The following NFYB variants were observed in gnomAD, a reference collection of about 807,000 sequenced individuals.
The protein encoded by NFYB is CAAT box DNA-binding protein subunit B.
A neutral mutation model predicts 28.0 loss-of-function variants in NFYB; 13 were observed. The observed-to-expected ratio is 0.46, with a 90% CI of 0.30 to 0.74. The LOEUF is 0.74. NFYB is among the 30% of genes least tolerant of loss of function. The probability of loss-of-function intolerance (pLI) is 0.07; values close to 1 mark genes in which losing one functional copy is unlikely to be tolerated. For missense variants in NFYB, 142 were observed against 247.6 expected (o/e 0.57, Z 2.86); for synonymous variants, 74 against 75.0 (o/e 0.99, Z 0.07).
chr12:104,117,800 G>T lies in NFYB; in HGVS notation c.*1937C>A, dbSNP rs2030318161. 6.6e-6 allele frequency: 1 copy of T among 152,114 alleles called. No homozygotes were observed. Among genetic ancestry groups the T allele is most frequent in the Admixed American group, 6.6e-5 (1 of 15,264 alleles). The allele number at this position is 152,114 out of a possible 1,614,324, so 9.4% of individuals were successfully genotyped here. ...ACAGTATCTGATAATCAAAGACCAA[G>T]TGCTTTTATCAGTTATATAGTGACA... On this transcript the variant is annotated 3_prime_UTR_variant, in exon 8 of 8. Coordinates refer to ENST00000240055, the MANE Select transcript of NFYB (RefSeq NM_006166.4).
intron 2 of NFYB, among the ~76,000 whole-genome samples, chr12:104,130,742 G>T (rs2030892094): frequency 6.6e-6 from 1 of 152,250 alleles, no homozygotes; most frequent in South Asian, 2.1e-4. Context: ...TAACATACTA[G>T]GAGAGTATCC....
At chr12:104,135,627 G>A (rs1410032767) in intron 1 of NFYB, 95 bp from the exon 2 acceptor site, 3 of 472,454 alleles carry the variant, frequency 6.3e-6, no homozygotes, top group African/African-American at 4.0e-5. Flanking sequence ...TAAAATTAAA[G>A]AGGGCTTGTA....
chr12:104,135,323 T>C (rs1015263178), intron 2 of NFYB, 125 bp downstream of exon 2: 25 of 732,152 alleles, frequency 3.4e-5, no homozygotes, highest in Non-Finnish European at 5.0e-5. Flanking sequence ...GCAGAGGTAC[T>C]GTCTGTCTAG....
At chr12:104,136,365 C>T (rs1188488101) in intron 1 of NFYB, among the ~76,000 whole-genome samples, 1 of 152,086 alleles carries the variant, frequency 6.6e-6, no homozygotes, top group Non-Finnish European at 1.5e-5. Flanking sequence ...TGATACGCAT[C>T]CAAGCATGAA....
At chr12:104,120,916 A>C (rs2030449187) in intron 6 of NFYB, among the ~76,000 whole-genome samples, 1 of 152,212 alleles carries the variant, frequency 6.6e-6, no homozygotes, top group Non-Finnish European at 1.5e-5. Context: ...AATTTAAAAA[A>C]AACTGAGTTG....
intron 1 of NFYB, among the ~76,000 whole-genome samples, chr12:104,137,174 G>A (rs1434165111): frequency 6.6e-6 from 1 of 152,154 alleles, no homozygotes. Flanking sequence ...GGGTTAGTGG[G>A]ATGCCATTTT....
intron 1 of NFYB, 129 bp downstream of exon 1, chr12:104,138,012 G>A (rs977387630): frequency 1.2e-4 from 17 of 146,544 alleles, no homozygotes; most frequent in Admixed American, 1.1e-3. Context: ...GCGCGGGAGG[G>A]CGGGAGGCTA....
intron 2 of NFYB, among the ~76,000 whole-genome samples, chr12:104,132,744 C>G (rs538451946): frequency 4.4e-4 from 67 of 152,306 alleles, no homozygotes; most frequent in African/African-American, 1.5e-3. Context: ...GTAAGCCTAG[C>G]TGAAGCTAAT....
At chr12:104,123,182 A>AAC (rs1406735908) in intron 5 of NFYB, 44 bp downstream of exon 5, 2 of 1,502,540 alleles carry the variant, frequency 1.3e-6, no homozygotes, top group Non-Finnish European at 1.8e-6. Context: ...CCTCAAAAAA[A>AAC]AAAAGAAGAA....
intron 2 of NFYB, among the ~76,000 whole-genome samples, chr12:104,132,561 G>A (rs929310059): frequency 6.6e-5 from 10 of 152,184 alleles, no homozygotes; most frequent in Non-Finnish European, 1.3e-4. Flanking sequence ...GGGTGAGAGC[G>A]CTGGAGATCA....
chr12:104,121,939 G>A (rs559641801), intron 5 of NFYB, among the ~76,000 whole-genome samples: 41 of 152,194 alleles, frequency 2.7e-4, no homozygotes, highest in Non-Finnish European at 5.4e-4. Context: ...AAGCTGGCAT[G>A]TGGAAATAAA....
chr12:104,131,000 T>C (rs575684499), intron 2 of NFYB: 2 of 152,280 alleles, frequency 1.3e-5, no homozygotes, highest in African/African-American at 2.4e-5. Flanking sequence ...ATTAAGTCTT[T>C]TAAAATTGGC....
At chr12:104,131,214 T>G (rs180823399) in intron 2 of NFYB, 1 of 152,364 alleles carries the variant, frequency 6.6e-6, no homozygotes, top group African/African-American at 2.4e-5. Context: ...ATAAAAGTAT[T>G]TCCTAGAGTT....
At position 104,120,450 on chromosome 12, in the gene NFYB, T is replaced by C; in HGVS notation, c.541A>G (p.Thr181Ala). Residue 181 changes from threonine to alanine, a missense_variant, in exon 7 of 8, where the codon ACA becomes GCA. Coordinates refer to ENST00000240055, the MANE Select transcript of NFYB (RefSeq NM_006166.4). ...ATAACATTTTGTTGTTGACCGTCTG[T>C]GGTTATTAAGCCAGCTGGTAACTGG... is the stretch of plus-strand genomic sequence containing the variant. ...TNQLPAGLIT[T>A]DGQQQNVMVY... The C allele has an allele frequency of 6.2e-7, 1 of 1,613,962 alleles. No individual in the cohort carries two copies. Among genetic ancestry groups the C allele is most frequent in the Non-Finnish European group, 8.5e-7 (1 of 1,179,938 alleles).
chr12:104,129,693 A>C (rs916615870), intron 2 of NFYB, among the ~76,000 whole-genome samples: 2 of 152,196 alleles, frequency 1.3e-5, no homozygotes, highest in Non-Finnish European at 2.9e-5. Context: ...AGCCTGGGCA[A>C]CACAGTGAGA....
chr12:104,119,888 G>A (rs1658495817), intron 7 of NFYB, 119 bp from the exon 8 acceptor site: 11 of 649,076 alleles, frequency 1.7e-5, no homozygotes, highest in South Asian at 1.2e-4. Flanking sequence ...CCCATTTCTT[G>A]TGTATCTTTC....
intron 4 of NFYB, among the ~76,000 whole-genome samples, chr12:104,124,102 A>G (rs930357720): frequency 2.0e-5 from 3 of 152,268 alleles, no homozygotes; most frequent in Non-Finnish European, 2.9e-5. Flanking sequence ...TGTGGGCGAC[A>G]TAAGTACCAC....
At chr12:104,135,784 T>C (rs2031077672) in intron 1 of NFYB, among the ~76,000 whole-genome samples, 2 of 152,178 alleles carry the variant, frequency 1.3e-5, no homozygotes, top group African/African-American at 4.8e-5. Context: ...AAATGGATTT[T>C]CCAACATAAC....
chr12:104,126,046 G>A, intron 4 of NFYB, 68 bp downstream of exon 4: 1 of 1,446,312 alleles, frequency 6.9e-7, no homozygotes, highest in East Asian at 2.4e-5. Flanking sequence ...CTGTACCCAT[G>A]ACCTATGAAT....
Sources: gnomAD v4.1 joint callset for allele counts (sites outside exome capture counted in the v4.1 genomes callset) on GRCh38, gnomAD v4.1.1 for gene constraint, MANE v1.5 for transcripts, NCBI Gene and HGNC (gene_info 2026-07-23, HGNC 2026-07-21) for gene names.